LRRC4C: variants seen among roughly 807,000 people sequenced by gnomAD.
LRRC4C encodes the protein leucine rich repeat containing 4C, also known as leucine-rich repeat-containing protein 4C.
A neutral mutation model predicts 33.6 loss-of-function variants in LRRC4C; 5 were observed. The ratio of observed to expected loss-of-function variants is 0.15; its 90% confidence interval spans 0.08 to 0.31. The LOEUF (loss-of-function observed/expected upper bound fraction) is 0.31. Among genes scored for constraint, LRRC4C ranks in the 10% least tolerant of loss-of-function variants. The pLI is 1.00. For synonymous variants in LRRC4C, 329 were observed against 302.0 expected, an observed-to-expected ratio of 1.09 and a Z score of -0.93; for missense variants, 560 against 796.7, an observed-to-expected ratio of 0.70 and a Z score of 3.58.
chr11:41,247,774 G>A (rs538068092), intron 1 of LRRC4C, among the ~76,000 whole-genome samples: 54 of 152,176 alleles, frequency 3.5e-4, no homozygotes, highest in Admixed American at 2.6e-3. Context: ...TATGCTATCC[G>A]TGGCTGAGTT....
chr11:40,762,223 T>G (rs1949249841), intron 2 of LRRC4C, among the ~76,000 whole-genome samples: 1 of 152,176 alleles, frequency 6.6e-6, no homozygotes, highest in Non-Finnish European at 1.5e-5. Context: ...TCATGTTGCA[T>G]GGCTTGGTTT....
chr11:40,542,123 T>G (rs547246185), intron 3 of LRRC4C, among the ~76,000 whole-genome samples: 1 of 152,050 alleles, frequency 6.6e-6, no homozygotes, highest in African/African-American at 2.4e-5. Flanking sequence ...ACATTTTTTA[T>G]ATGACTGCCA....
At chr11:40,308,637 C>T (rs1348881810) in intron 4 of LRRC4C, among the ~76,000 whole-genome samples, 2 of 152,118 alleles carry the variant, frequency 1.3e-5, no homozygotes, top group African/African-American at 2.4e-5. Context: ...CTCAAGCCAA[C>T]CACAAACTTT....
intron 1 of LRRC4C, among the ~76,000 whole-genome samples, chr11:41,299,446 A>G (rs1950227947): frequency 6.6e-6 from 1 of 152,120 alleles, no homozygotes; most frequent in African/African-American, 2.4e-5. Context: ...ACCTACTTGA[A>G]TTGCCTTAAA....
chr11:41,427,527 C>T (rs538819940), intron 1 of LRRC4C, among the ~76,000 whole-genome samples: 16 of 152,148 alleles, frequency 1.1e-4, no homozygotes, highest in Non-Finnish European at 2.2e-4. Context: ...TAGGGTTCTA[C>T]GAAGAAGAGA....
intron 6 of LRRC4C, among the ~76,000 whole-genome samples, chr11:40,127,349 G>A (rs1430685037): frequency 6.6e-6 from 1 of 152,110 alleles, no homozygotes; most frequent in African/African-American, 2.4e-5. Context: ...TTGGCATGGA[G>A]GCGGGGCAGT....
chr11:40,244,888 G>T (rs1467782099), intron 4 of LRRC4C, among the ~76,000 whole-genome samples: 1 of 152,134 alleles, frequency 6.6e-6, no homozygotes, highest in Non-Finnish European at 1.5e-5. Flanking sequence ...TTGTACTAAA[G>T]ACAGTGGCAT....
At chr11:40,883,893 G>GTT (rs5791406) in intron 2 of LRRC4C, among the ~76,000 whole-genome samples, 9,885 of 146,038 alleles carry the variant, frequency 0.068, 450 homozygotes, top group African/African-American at 0.12. Flanking sequence ...CCATAAGCTA[G>GTT]TTTTTTTTTT....
intron 5 of LRRC4C, among the ~76,000 whole-genome samples, chr11:40,228,651 C>CTTG (rs1864980811): frequency 6.6e-6 from 1 of 152,126 alleles, no homozygotes; most frequent in South Asian, 2.1e-4. Context: ...AACAATGATC[C>CTTG]CTTGCTTGTG....
At chr11:40,617,349 G>A (rs1961968266) in intron 3 of LRRC4C, among the ~76,000 whole-genome samples, 1 of 151,594 alleles carries the variant, frequency 6.6e-6, no homozygotes. Flanking sequence ...AGTCCTCATT[G>A]TTTCCTGGCT....
chr11:41,146,331 C>G (rs766598388), intron 1 of LRRC4C, among the ~76,000 whole-genome samples: 2 of 152,190 alleles, frequency 1.3e-5, no homozygotes, highest in Non-Finnish European at 2.9e-5. Context: ...GAGTCAGGTG[C>G]TTAATTGACT....
intron 4 of LRRC4C, among the ~76,000 whole-genome samples, chr11:40,302,391 T>C (rs1279255963): frequency 6.6e-6 from 1 of 152,224 alleles, no homozygotes; most frequent in Non-Finnish European, 1.5e-5. Context: ...TTATTTATTT[T>C]AGGGGTTCCA....
At chr11:40,763,485 C>A (rs964610936) in intron 2 of LRRC4C, among the ~76,000 whole-genome samples, 3 of 152,102 alleles carry the variant, frequency 2.0e-5, no homozygotes, top group Non-Finnish European at 2.9e-5. Flanking sequence ...AAAGCACTTT[C>A]ATAATAACCA....
At chr11:40,642,029 T>G (rs1942153435) in intron 3 of LRRC4C, among the ~76,000 whole-genome samples, 1 of 151,790 alleles carries the variant, frequency 6.6e-6, no homozygotes, top group African/African-American at 2.4e-5. Flanking sequence ...TGCTTTTTTT[T>G]TTTTTTTAAC....
chr11:40,893,818 AACACACACACAC>A (rs55810825), intron 2 of LRRC4C, among the ~76,000 whole-genome samples: 1 of 69,942 alleles, frequency 1.4e-5, no homozygotes, highest in Non-Finnish European at 5.4e-5. Context: ...TACGTATTAT[AACACACACACAC>A]ACACACACAC....
intron 1 of LRRC4C, among the ~76,000 whole-genome samples, chr11:40,936,819 A>G (rs1474024132): frequency 6.6e-6 from 1 of 152,202 alleles, no homozygotes; most frequent in Non-Finnish European, 1.5e-5. Context: ...CAGTAATGGT[A>G]AAATTGGGAT....
chr11:40,585,504 G>A (rs1958684859), intron 3 of LRRC4C, among the ~76,000 whole-genome samples: 1 of 151,140 alleles, frequency 6.6e-6, no homozygotes, highest in African/African-American at 2.4e-5. Flanking sequence ...TAAGTTTTAG[G>A]GTACATGTGC....
intron 5 of LRRC4C, among the ~76,000 whole-genome samples, chr11:40,162,521 T>A (rs915653612): frequency 3.9e-5 from 6 of 152,138 alleles, no homozygotes; most frequent in African/African-American, 1.4e-4. Context: ...CTCTGGAATT[T>A]GGGAGATCAC....
intron 3 of LRRC4C, among the ~76,000 whole-genome samples, chr11:40,331,456 A>G (rs575141668): frequency 6.6e-6 from 1 of 152,348 alleles, no homozygotes; most frequent in South Asian, 2.1e-4. Context: ...TATATACACA[A>G]TGAAATACTA....
Sources: allele counts gnomAD v4.1 joint callset (sites outside exome capture counted in the v4.1 genomes callset), GRCh38; gene constraint gnomAD v4.1.1; transcripts MANE v1.5; gene names NCBI Gene and HGNC (gene_info 2026-07-23, HGNC 2026-07-21).